The following HNF4A variants were observed in gnomAD, a reference collection of about 807,000 sequenced individuals.
HNF4A encodes the protein hepatocyte nuclear factor 4-alpha.
HNF4A carries 15 observed loss-of-function variants against 52.4 expected under a neutral mutation model. The ratio of observed to expected loss-of-function variants is 0.29; its 90% confidence interval spans 0.19 to 0.44. The LOEUF (loss-of-function observed/expected upper bound fraction) is 0.44, where lower values mean the gene tolerates loss of function less well. Ranked by LOEUF, HNF4A falls within the 20% of genes least tolerant of loss-of-function variation. HNF4A has a pLI of 1.00. For missense variants in HNF4A, 479 were observed against 647.2 expected (o/e 0.74, Z 2.82); for synonymous variants, 280 against 264.4 (o/e 1.06, Z -0.57).
At position 44,432,344 on chromosome 20, in the gene HNF4A, C is replaced by CTTTTTTTTTTTT. The variant is rs11450239; in HGVS notation, c.*2692_*2703dup. On this transcript the variant is annotated 3_prime_UTR_variant, in exon 10 of 10. Transcript: ENST00000316099. The stretch of plus-strand genomic sequence containing the variant: ...ATGATATTAGAAAATCTCTCGCTCT[C>CTTTTTTTTTTTT]TTTTTTTTTTTTTTTTTTTTTTTTG... 3.4e-4 allele frequency: 20 copies of CTTTTTTTTTTTT among 58,942 alleles called. 1 individual carries two copies. The highest frequency in any genetic ancestry group is 3.6e-4 in the Non-Finnish European group (12 of 33,108). The allele number at this position is 58,942 out of a possible 1,614,324, so 3.7% of individuals were successfully genotyped here.
chr20:44,361,968 C>A (rs1172643273), intron 1 of HNF4A, among the ~76,000 whole-genome samples: 1 of 152,106 alleles, frequency 6.6e-6, no homozygotes, highest in Non-Finnish European at 1.5e-5. Context: ...GTGTTCCCAG[C>A]TGAGGGAACA....
At chr20:44,381,868 C>T (rs748706606) in intron 1 of HNF4A, among the ~76,000 whole-genome samples, 1 of 152,208 alleles carries the variant, frequency 6.6e-6, no homozygotes, top group Non-Finnish European at 1.5e-5. Flanking sequence ...ACCTCAGCCT[C>T]CCAAAGTGCT....
chr20:44,380,269 G>A lies in HNF4A; in HGVS notation c.49+24416G>A, dbSNP rs148108847. ...TAATGGTTATTTGTATATCTTCCTTGGAGAAATGCCTATTCAAGTCCTTTG... is the reference window on the plus strand; with the variant it reads ...TAATGGTTATTTGTATATCTTCCTTAGAGAAATGCCTATTCAAGTCCTTTG... On this transcript the variant is annotated intron_variant, in intron 1 of 9. Transcript: ENST00000316673. Among the ~76,000 whole-genome samples the A allele has an allele frequency of 2.8e-3, 425 of 152,224 alleles. 1 individual carries two copies. The highest frequency in any genetic ancestry group is 9.3e-3 in the African/African-American group (385 of 41,534).
intron 3 of HNF4A, among the ~76,000 whole-genome samples, chr20:44,409,905 T>C (rs1226030307): frequency 3.3e-5 from 5 of 151,610 alleles, no homozygotes; most frequent in African/African-American, 1.2e-4. Flanking sequence ...TGGCAGTATC[T>C]CGGCTCACTG....
chr20:44,400,798 A>T (rs1221519045), upstream of HNF4A, among the ~76,000 whole-genome samples: 1 of 152,188 alleles, frequency 6.6e-6, no homozygotes, highest in Non-Finnish European at 1.5e-5. Flanking sequence ...GAAGATTGGC[A>T]TCTGGGGCCT....
Position 44,359,201 on chromosome 20 carries a change from T to A in HNF4A, c.49+3348T>A, listed in dbSNP as rs17755638. 2.6e-5 allele frequency among the ~76,000 whole-genome samples: 4 copies of A among 152,142 alleles called. No individual in the cohort carries two copies. In the South Asian group the frequency reaches 8.3e-4, roughly 31 times the overall value. ...TGATGGGCTTAAAACAGCGCTACAA[T>A]GATGATCATCAATGTCAGCCAGATC... is the stretch of plus-strand genomic sequence containing the variant. On this transcript the variant is annotated intron_variant, in intron 1 of 9. Transcript: ENST00000316673.
At chr20:44,406,266 G>T in intron 2 of HNF4A, 34 bp downstream of exon 2, 2 of 1,592,514 alleles carry the variant, frequency 1.3e-6, no homozygotes, top group Non-Finnish European at 8.6e-7. Context: ...CTGGGAAATG[G>T]GCACACTTGG....
intron 5 of HNF4A, among the ~76,000 whole-genome samples, chr20:44,417,709 A>G (rs1394344042): frequency 6.6e-6 from 1 of 152,134 alleles, no homozygotes; most frequent in Admixed American, 6.5e-5. Flanking sequence ...GCAGTGGTTC[A>G]CACCTGTAAT....
intron 1 of HNF4A, among the ~76,000 whole-genome samples, chr20:44,370,054 T>C (rs1036913644): frequency 6.6e-6 from 1 of 151,672 alleles, no homozygotes; most frequent in Non-Finnish European, 1.5e-5. Context: ...TGCGACGGAG[T>C]CTCACTCTTT....
rs757140477 is a variant in HNF4A, at chr20:44,406,110, C to T, written c.168C>T (p.Val56=). Residue 56 remains valine (V), a synonymous_variant, in exon 2 of 10, where the codon GTC becomes GTT. Transcript: ENST00000316099. ...TCAACGCGCCCAACAGCCTGGGTGT[C>T]AGCGCCCTGTGTGCCATCTGCGGGG... The T allele has an allele frequency of 1.2e-5, 20 of 1,613,618 alleles. 1 individual carries two copies. The South Asian group carries it at 2.1e-4, about 17-fold the overall frequency.
chr20:44,380,638 A>T (rs2063142171), intron 1 of HNF4A, among the ~76,000 whole-genome samples: 1 of 152,150 alleles, frequency 6.6e-6, no homozygotes. Flanking sequence ...ATTGAGTTGT[A>T]AGAGTTCTTT....
chr20:44,400,924 G>C (rs751510895), upstream of HNF4A, among the ~76,000 whole-genome samples: 1 of 152,092 alleles, frequency 6.6e-6, no homozygotes, highest in African/African-American at 2.4e-5. Context: ...GAGGTAGGCT[G>C]TCAGTGCCTG....
intron 8 of HNF4A, among the ~76,000 whole-genome samples, chr20:44,425,969 A>G (rs2063810435): frequency 6.6e-6 from 1 of 152,100 alleles, no homozygotes; most frequent in African/African-American, 2.4e-5. Context: ...CTCATTGTGG[A>G]CTTTCATTAA....
intron 1 of HNF4A, among the ~76,000 whole-genome samples, chr20:44,380,683 T>C (rs1413005626): frequency 6.6e-6 from 1 of 152,198 alleles, no homozygotes; most frequent in Non-Finnish European, 1.5e-5. Flanking sequence ...ATCAGATATA[T>C]GATTGGCAAA....
In HNF4A at chr20:44,429,457, C is replaced by G. The variant is rs576897888; in HGVS notation, c.1283-66C>G. 50 of 1,600,998 alleles carry G rather than the reference C, an allele frequency of 3.1e-5. No homozygotes were observed. In the African/African-American group the frequency reaches 6.0e-4, roughly 19 times the overall value. On this transcript the variant is annotated intron_variant, in intron 9 of 9. Transcript: ENST00000316099. ...GTGGGAGGGGAGAACTTTCCCGGGC[C>G]TCTTCATTTACTCCCACAAAGGCTG...
At chr20:44,422,599 C>T (rs2063761057) in intron 7 of HNF4A, among the ~76,000 whole-genome samples, 1 of 150,898 alleles carries the variant, frequency 6.6e-6, no homozygotes, top group South Asian at 2.1e-4. Flanking sequence ...AATTTATTCA[C>T]TGATTTTTTT....
In HNF4A at chr20:44,362,716, G is replaced by T. The variant is rs142474391; in HGVS notation, c.49+6863G>T. Among the ~76,000 whole-genome samples the T allele has an allele frequency of 9.9e-5, 15 of 152,176 alleles. No individual in the cohort carries two copies. The East Asian group carries it at 2.7e-3, about 27-fold the overall frequency. On this transcript the variant is annotated intron_variant, in intron 1 of 9. Transcript: ENST00000316673. ...GTTTCCCTGCATCGCCTTGCAAATA[G>T]GTGATTAAAATCTAGTCTGACACCA...
chr20:44,363,022 T>G (rs2062934475), intron 1 of HNF4A, among the ~76,000 whole-genome samples: 1 of 107,066 alleles, frequency 9.3e-6, no homozygotes, highest in Admixed American at 8.9e-5. Flanking sequence ...CCTGGCTAAT[T>G]TTTTTTTATT....
At chr20:44,363,517 C>T (rs2062938928) in intron 1 of HNF4A, among the ~76,000 whole-genome samples, 1 of 151,776 alleles carries the variant, frequency 6.6e-6, no homozygotes, top group Non-Finnish European at 1.5e-5. Context: ...AGGGTCTCCT[C>T]TTGGGGGTGC....
Sources: allele counts gnomAD v4.1 joint callset (sites outside exome capture counted in the v4.1 genomes callset), GRCh38; gene constraint gnomAD v4.1.1; transcripts MANE v1.5; gene names NCBI Gene and HGNC (gene_info 2026-07-23, HGNC 2026-07-21).